The following ANAPC1 variants were observed in gnomAD, a reference collection of about 807,000 sequenced individuals.
ANAPC1 encodes anaphase-promoting complex subunit 1.
Under a neutral mutation model 208.0 loss-of-function variants are expected in ANAPC1, and 36 were observed. The observed-to-expected ratio is 0.17, with a 90% CI of 0.13 to 0.23. The LOEUF (loss-of-function observed/expected upper bound fraction) is 0.23, where lower values mean the gene tolerates loss of function less well. ANAPC1 is among the 10% of genes least tolerant of loss of function. The pLI is 1.00. For missense variants in ANAPC1, 942 were observed against 2,011.6 expected, an observed-to-expected ratio of 0.47 and a Z score of 10.17; for synonymous variants, 378 against 695.2, an observed-to-expected ratio of 0.54 and a Z score of 7.18.
chr2:111,788,857 G>A (rs1252189778), intron 38 of ANAPC1, among the ~76,000 whole-genome samples: 2 of 152,050 alleles, frequency 1.3e-5, no homozygotes, highest in Non-Finnish European at 2.9e-5. Flanking sequence ...GTTACAACGA[G>A]GCCATGCGCG....
At chr2:111,773,701 GA>G (rs1452702238) in intron 46 of ANAPC1, among the ~76,000 whole-genome samples, 2 of 151,982 alleles carry the variant, frequency 1.3e-5, no homozygotes, top group Non-Finnish European at 2.9e-5. Context: ...AGAATGAGAG[GA>G]AAAGGTTCTA....
intron 46 of ANAPC1, among the ~76,000 whole-genome samples, chr2:111,775,924 T>C (rs1276747081): frequency 6.6e-6 from 1 of 152,290 alleles, no homozygotes; most frequent in Non-Finnish European, 1.5e-5. Context: ...ACAAATACAA[T>C]GCAGCTTTTA....
rs1157463353 is a variant in ANAPC1 at position 111,783,887 on chromosome 2, ATG to A, written c.5063+8_5063+9del. The A allele has an allele frequency of 1.5e-6, 1 of 675,170 alleles. No homozygotes were observed. Among genetic ancestry groups the A allele is most frequent in the African/African-American group, 1.8e-5 (1 of 54,458 alleles). The allele number at this position is 675,170 out of a possible 1,614,324, so 41.8% of individuals were successfully genotyped here. A position where few individuals can be genotyped will look rare whatever the true frequency, so the allele number is the denominator to read the frequency against. ...CTAAAAGGTAAATTTGAGAAATTTA[ATG>A]TACTTACTTCAAGTGTTGTGTTCCT... On this transcript the variant is annotated splice_region_variant and intron_variant, in intron 42 of 47. Coordinates refer to ENST00000341068, the MANE Select transcript of ANAPC1 (RefSeq NM_022662.4).
intron 21 of ANAPC1, among the ~76,000 whole-genome samples, chr2:111,830,303 A>G (rs1428872559): frequency 6.6e-6 from 1 of 152,230 alleles, no homozygotes; most frequent in Non-Finnish European, 1.5e-5. Flanking sequence ...CTTTTTAAAA[A>G]ACAGTGCTGA....
chr2:111,866,810 A>G (rs2104573336), intron 7 of ANAPC1, among the ~76,000 whole-genome samples: 1 of 151,870 alleles, frequency 6.6e-6, no homozygotes, highest in East Asian at 1.9e-4. Context: ...TAAAAAAAAA[A>G]AAAAAAAAGG....
At position 111,841,707 on chromosome 2, in the gene ANAPC1, G is replaced by A. The variant is rs553970280; in HGVS notation, c.2040+1705C>T. ...ATGGGAAGTCACTGGGGGATTCTAC[G>A]CAGAGGCGTGACGAACGCAACCTGA... On this transcript the variant is annotated intron_variant, in intron 17 of 47. Coordinates refer to ENST00000341068, the MANE Select transcript of ANAPC1 (RefSeq NM_022662.4). Among the ~76,000 whole-genome samples the A allele has an allele frequency of 2.4e-3, 371 of 152,278 alleles. 3 individuals are homozygous for A. The highest frequency in any genetic ancestry group is 1.7e-3 in the Non-Finnish European group (116 of 68,016).
chr2:111,836,933 A>C (rs1245436062), intron 18 of ANAPC1, among the ~76,000 whole-genome samples: 7 of 150,618 alleles, frequency 4.6e-5, no homozygotes, highest in Non-Finnish European at 8.8e-5. Context: ...GTGCCACTGC[A>C]CTCCAGCCTG....
At chr2:111,798,991 A>G (rs879415279) in intron 34 of ANAPC1, among the ~76,000 whole-genome samples, 7 of 151,100 alleles carry the variant, frequency 4.6e-5, no homozygotes, top group Non-Finnish European at 8.9e-5. Context: ...CCGAGATCAC[A>G]CCACTGCACT....
chr2:111,825,065 A>T (rs148737841), intron 23 of ANAPC1, 29 bp from the exon 24 acceptor site: 1 of 1,613,910 alleles, frequency 6.2e-7, no homozygotes, highest in East Asian at 2.2e-5. Flanking sequence ...TAAAGTTATT[A>T]AGCAGAACAG....
chr2:111,873,232 A>C (rs1294834397), intron 5 of ANAPC1, 76 bp downstream of exon 5: 17 of 1,341,022 alleles, frequency 1.3e-5, no homozygotes, highest in Non-Finnish European at 1.5e-5. Context: ...ATGAGACATA[A>C]GACATGCCTC....
intron 46 of ANAPC1, among the ~76,000 whole-genome samples, chr2:111,775,049 T>C (rs992244036): frequency 2.0e-4 from 31 of 152,194 alleles, no homozygotes; most frequent in African/African-American, 7.0e-4. Context: ...ACGTAGATCA[T>C]GAGGTCAGGA....
Position 111,838,529 on chromosome 2 carries a change from A to G in ANAPC1, c.2041-17T>C, listed in dbSNP as rs1680595996. ...AAAGTCAAACTGAAAAGTAACCCCAAAAGAAAAGATAAAAATCGTAAATGC... is the reference window on the plus strand; with the variant it reads ...AAAGTCAAACTGAAAAGTAACCCCAGAAGAAAAGATAAAAATCGTAAATGC... On this transcript the variant is annotated splice_polypyrimidine_tract_variant and intron_variant, in intron 17 of 47. Transcript: ENST00000341068. The G allele has an allele frequency of 6.3e-7, 1 of 1,586,492 alleles. No individual in the cohort carries two copies. Among genetic ancestry groups the G allele is most frequent in the African/African-American group, 1.4e-5 (1 of 73,316 alleles).
At chr2:111,862,649 A>G (rs1682139085) in intron 9 of ANAPC1, 51 bp from the exon 10 acceptor site, 12 of 1,585,112 alleles carry the variant, frequency 7.6e-6, no homozygotes, top group Non-Finnish European at 9.4e-6. Flanking sequence ...AGGCAGGCTT[A>G]TATGACACAC....
At chr2:111,883,666 T>G (rs1368528314) in intron 1 of ANAPC1, among the ~76,000 whole-genome samples, 1 of 152,072 alleles carries the variant, frequency 6.6e-6, no homozygotes, top group South Asian at 2.1e-4. Flanking sequence ...TCAGAGGGGC[T>G]GGAGGCCAGT....
chr2:111,770,581 C>T (rs1480335471), intron 47 of ANAPC1, among the ~76,000 whole-genome samples: 2 of 149,094 alleles, frequency 1.3e-5, no homozygotes, highest in African/African-American at 2.5e-5. Context: ...TTTTTTTTCA[C>T]GGTTTCCACA....
intron 3 of ANAPC1, among the ~76,000 whole-genome samples, chr2:111,874,219 A>T (rs1181177625): frequency 2.0e-5 from 3 of 152,218 alleles, no homozygotes; most frequent in Non-Finnish European, 1.5e-5. Flanking sequence ...ATCACTTATT[A>T]TTTAACAGCA....
intron 1 of ANAPC1, among the ~76,000 whole-genome samples, chr2:111,881,274 T>C (rs1009100429): frequency 2.0e-5 from 3 of 152,202 alleles, no homozygotes; most frequent in Admixed American, 6.6e-5. Flanking sequence ...TAAGGGATCA[T>C]TGTCATATTG....
chr2:111,852,988 A>G (rs1573465671), intron 13 of ANAPC1, among the ~76,000 whole-genome samples: 1 of 100,824 alleles, frequency 9.9e-6, no homozygotes. Flanking sequence ...ATACTGTATC[A>G]AAAAAAAAGA....
chr2:111,829,911 AATACAAAAAAT>A (rs1450563969), intron 21 of ANAPC1, among the ~76,000 whole-genome samples: 1 of 151,966 alleles, frequency 6.6e-6, no homozygotes, highest in African/African-American at 2.4e-5. Context: ...CTCTACTAAA[AATACAAAAAAT>A]TAGCCGGGCA....
Sources: allele counts gnomAD v4.1 joint callset (sites outside exome capture counted in the v4.1 genomes callset), GRCh38; gene constraint gnomAD v4.1.1; transcripts MANE v1.5; gene names NCBI Gene and HGNC (gene_info 2026-07-23, HGNC 2026-07-21).